Variants in GALNTL6 observed in about 807,000 individuals in gnomAD.
GALNTL6 encodes the protein polypeptide N-acetylgalactosaminyltransferase like 6.
Under a neutral mutation model 73.7 loss-of-function variants are expected in GALNTL6, and 46 were observed. That is an observed-to-expected ratio of 0.62 (90% CI 0.49 to 0.80). The LOEUF (loss-of-function observed/expected upper bound fraction) is 0.80. GALNTL6 is among the 30% of genes least tolerant of loss of function. The pLI is 0.00. For missense variants in GALNTL6, 604 were observed against 755.0 expected, an observed-to-expected ratio of 0.80 and a Z score of 2.34; for synonymous variants, 259 against 263.7, an observed-to-expected ratio of 0.98 and a Z score of 0.17.
intron 5 of GALNTL6, among the ~76,000 whole-genome samples, chr4:172,687,036 A>G (rs889167388): frequency 5.3e-5 from 8 of 152,180 alleles, no homozygotes; most frequent in African/African-American, 1.9e-4. Context: ...CTGATGACCA[A>G]ACCAAGGTCA....
intron 2 of GALNTL6, among the ~76,000 whole-genome samples, chr4:172,124,138 A>C (rs1469172232): frequency 6.6e-6 from 1 of 152,234 alleles, no homozygotes; most frequent in Non-Finnish European, 1.5e-5. Context: ...ATACAACATA[A>C]TAACCAGAAT....
At chr4:172,303,180 A>G (rs538559773) in intron 3 of GALNTL6, among the ~76,000 whole-genome samples, 19 of 152,068 alleles carry the variant, frequency 1.2e-4, no homozygotes, top group African/African-American at 4.3e-4. Context: ...TTGTAGTTTT[A>G]GTAGAGATGG....
chr4:172,699,313 T>C (rs1375871102), intron 5 of GALNTL6, among the ~76,000 whole-genome samples: 1 of 152,128 alleles, frequency 6.6e-6, no homozygotes, highest in African/African-American at 2.4e-5. Context: ...TCAGCCAAAA[T>C]TTTATTTTTC....
intron 2 of GALNTL6, among the ~76,000 whole-genome samples, chr4:172,150,178 C>G (rs1734040235): frequency 6.6e-6 from 1 of 152,282 alleles, no homozygotes; most frequent in South Asian, 2.1e-4. Flanking sequence ...CCTCAGTCCC[C>G]ATATAATTCA....
intron 7 of GALNTL6, among the ~76,000 whole-genome samples, chr4:172,818,559 A>G (rs1741740828): frequency 6.6e-6 from 1 of 152,212 alleles, no homozygotes; most frequent in Non-Finnish European, 1.5e-5. Flanking sequence ...AATGCTTAAA[A>G]TAAATACATA....
intron 5 of GALNTL6, among the ~76,000 whole-genome samples, chr4:172,756,574 G>A (rs1440673101): frequency 6.6e-6 from 1 of 151,940 alleles, no homozygotes; most frequent in Non-Finnish European, 1.5e-5. Flanking sequence ...GAACCCAGAA[G>A]GCCGAAGTTG....
intron 2 of GALNTL6, among the ~76,000 whole-genome samples, chr4:172,077,335 T>C (rs1731731479): frequency 6.6e-6 from 1 of 151,972 alleles, no homozygotes; most frequent in South Asian, 2.1e-4. Flanking sequence ...TAGAAAATTG[T>C]TGTATGATTT....
At chr4:172,430,163 T>C (rs866136302) in intron 5 of GALNTL6, among the ~76,000 whole-genome samples, 1 of 152,064 alleles carries the variant, frequency 6.6e-6, no homozygotes, top group Middle Eastern at 3.2e-3. Flanking sequence ...TATCATTTTA[T>C]GAAGCTAGTT....
intron 9 of GALNTL6, among the ~76,000 whole-genome samples, chr4:172,944,522 G>C (rs2097250847): frequency 6.6e-6 from 1 of 152,174 alleles, no homozygotes; most frequent in Non-Finnish European, 1.5e-5. Flanking sequence ...ATGTAAAATG[G>C]TACAACCACT....
chr4:172,131,208 T>C (rs190323075), intron 2 of GALNTL6, among the ~76,000 whole-genome samples: 13 of 151,742 alleles, frequency 8.6e-5, no homozygotes, highest in African/African-American at 3.1e-4. Flanking sequence ...GTGTAAATAA[T>C]TATAAGTAAG....
intron 5 of GALNTL6, among the ~76,000 whole-genome samples, chr4:172,698,231 C>G (rs891602642): frequency 1.3e-5 from 2 of 152,028 alleles, no homozygotes; most frequent in African/African-American, 4.8e-5. Flanking sequence ...CTGATGATCT[C>G]GTGTCTTTCT....
chr4:172,871,596 GT>G lies in GALNTL6; in HGVS notation c.924-11193del, dbSNP rs372203547. Among the ~76,000 whole-genome samples the G allele has an allele frequency of 1.8e-3, 206 of 114,460 alleles. 6 individuals carry two copies. Among genetic ancestry groups the G allele is most frequent in the South Asian group, 3.2e-3 (9 of 2,844 alleles). The allele number at this position is 114,460 out of a possible 152,430, so 75.1% of individuals were successfully genotyped here. ...TCTATAGTCTCTGACTCTGGGGGGG[GT>G]GTGTGTGTGTGAGAGTGTGTGTGTG... On this transcript the variant is annotated intron_variant, in intron 7 of 12. Coordinates refer to ENST00000506823, the MANE Select transcript of GALNTL6 (RefSeq NM_001034845.3).
chr4:172,281,754 C>T (rs751706878), intron 3 of GALNTL6, among the ~76,000 whole-genome samples: 1 of 152,024 alleles, frequency 6.6e-6, no homozygotes, highest in African/African-American at 2.4e-5. Flanking sequence ...CTTGCTCTCA[C>T]CTGAATAATT....
chr4:172,544,814 A>G (rs1735689499), intron 5 of GALNTL6, among the ~76,000 whole-genome samples: 1 of 152,226 alleles, frequency 6.6e-6, no homozygotes, highest in Non-Finnish European at 1.5e-5. Flanking sequence ...GTGTGAAGAA[A>G]TAAAATCTCA....
At chr4:172,208,355 G>T (rs1229007820) in intron 2 of GALNTL6, among the ~76,000 whole-genome samples, 1 of 152,092 alleles carries the variant, frequency 6.6e-6, no homozygotes, top group Admixed American at 6.6e-5. Flanking sequence ...TGCAAAAATA[G>T]ATGTACAACC....
chr4:172,041,547 T>A (rs1026666806), intron 2 of GALNTL6, among the ~76,000 whole-genome samples: 33 of 152,106 alleles, frequency 2.2e-4, no homozygotes, highest in African/African-American at 7.7e-4. Context: ...ATATCCTAAA[T>A]ATCTTAGTCC....
intron 7 of GALNTL6, among the ~76,000 whole-genome samples, chr4:172,843,815 T>G (rs1325759665): frequency 2.0e-5 from 3 of 152,176 alleles, no homozygotes; most frequent in Admixed American, 2.0e-4. Context: ...TCCCAGGACT[T>G]TGGGAGGCCA....
rs116067552 is a variant in GALNTL6 at position 171,931,187 on chromosome 4, A to G, written c.138+116469A>G. ...TGTCTTACACTTTTATTTCATTAGT[A>G]GTATTATTTTTAGAGACAGGGCCTC... On this transcript the variant is annotated intron_variant, in intron 2 of 12. Transcript: ENST00000506823. 4.8e-3 allele frequency among the ~76,000 whole-genome samples: 724 copies of G among 152,224 alleles called. 12 individuals carry two copies. The highest frequency in any genetic ancestry group is 0.016 in the African/African-American group (681 of 41,560).
intron 5 of GALNTL6, among the ~76,000 whole-genome samples, chr4:172,573,641 G>A (rs769427190): frequency 6.6e-6 from 1 of 152,102 alleles, no homozygotes; most frequent in Non-Finnish European, 1.5e-5. Context: ...CAGGGTATTG[G>A]CCTGAAAAGG....
Sources: gnomAD v4.1 joint callset for allele counts (sites outside exome capture counted in the v4.1 genomes callset) on GRCh38, gnomAD v4.1.1 for gene constraint, MANE v1.5 for transcripts, NCBI Gene and HGNC (gene_info 2026-07-23, HGNC 2026-07-21) for gene names.